SMG1: variants seen among roughly 807,000 people sequenced by gnomAD.
SMG1 encodes the protein serine/threonine-protein kinase SMG1.
A neutral mutation model predicts 419.9 loss-of-function variants in SMG1; 22 were observed. The ratio of observed to expected loss-of-function variants is 0.05; its 90% confidence interval spans 0.04 to 0.07. The LOEUF is 0.07. SMG1 is among the 10% of genes least tolerant of loss of function. The pLI is 1.00. For missense variants in SMG1, 3,185 were observed against 4,342.0 expected (o/e 0.73, Z 7.49); for synonymous variants, 1,538 against 1,553.5 (o/e 0.99, Z 0.23).
chr16:18,828,126 A>G lies in SMG1; in HGVS notation c.9646T>C (p.Ser3216Pro). 1 of 1,613,672 alleles carries G rather than the reference A, an allele frequency of 6.2e-7. No homozygotes were observed. The highest frequency in any genetic ancestry group is 1.1e-5 in the South Asian group (1 of 91,044). The change falls in exon 55 of 63, where the codon TCA becomes CCA. Residue 3216 changes from serine (S) to proline (P), a missense_variant. Ser to Pro is a moderately conservative substitution (Grantham distance 74, BLOSUM62 -1). Transcript: ENST00000446231. The part of the protein sequence containing the change: ...DLLINRPQAM[S>P]VTPPPRSAIL... The stretch of plus-strand genomic sequence containing the variant: ...GCAGACCGTGGGGGAGGTGTGACTG[A>G]CATGGCTTGTGGTCTATTGATAAGT...
chr16:18,829,928 G>T lies in SMG1; in HGVS notation c.9131C>A (p.Ser3044Ter). ...TATGTTTACAGGTAGAATATTACCT[G>T]ACAATGTTTTAGAAAAGGTACCACA... The part of the protein sequence containing the change: ...RLCGTFSKTL[S>*]GSSSLEDQNT... Residue 3044 changes from serine (S) to a stop codon, truncating the protein, a stop_gained and splice_region_variant, in exon 53 of 63, where the codon TCA (serine) becomes TAA (stop). Transcript: ENST00000446231. LOFTEE classifies it high-confidence loss of function. 6.5e-7 allele frequency: 1 copy of T among 1,544,814 alleles called. No homozygotes were observed. Among genetic ancestry groups the T allele is most frequent in the South Asian group, 1.3e-5 (1 of 79,484 alleles).
intron 49 of SMG1, 106 bp from the exon 50 acceptor site, chr16:18,834,544 AG>A: frequency 1.9e-6 from 2 of 1,068,250 alleles, no homozygotes; most frequent in Non-Finnish European, 2.7e-6. Context: ...TGGGAGGCCG[AG>A]GCAGGTAGAT....
At chr16:18,813,402 G>A (rs2031667455) in intron 60 of SMG1, among the ~76,000 whole-genome samples, 1 of 152,140 alleles carries the variant, frequency 6.6e-6, no homozygotes, top group Non-Finnish European at 1.5e-5. Context: ...GTTTTGATTT[G>A]CATTTCTCTG....
At chr16:18,896,275 C>G in intron 2 of SMG1, 68 bp from the exon 3 acceptor site, 1 of 1,306,602 alleles carries the variant, frequency 7.7e-7, no homozygotes, top group Non-Finnish European at 1.1e-6. Flanking sequence ...TTCCTGATAG[C>G]TCAGGATCTT....
intron 1 of SMG1, among the ~76,000 whole-genome samples, chr16:18,909,613 T>G (rs2141953191): frequency 6.6e-6 from 1 of 152,244 alleles, no homozygotes; most frequent in Admixed American, 6.5e-5. Flanking sequence ...AAACGTCAAT[T>G]TAATTAGAGG....
rs772210230 is a variant in SMG1, at chr16:18,872,501, A to C, written c.2014T>G (p.Cys672Gly). ...AATTTGTAAATACAGTACCTGGTACAATGAGAATACAATGTGTAGAGCACA... is the reference window on the plus strand; with the variant it reads ...AATTTGTAAATACAGTACCTGGTACCATGAGAATACAATGTGTAGAGCACA... ...YAVLYTLYSH[C>G]TRHDHFISSS... The change falls in exon 14 of 63, where the codon TGT (cysteine) becomes GGT (glycine). Residue 672 changes from cysteine (C) to glycine (G), a missense_variant. Cys to Gly is a radical substitution (Grantham distance 159). Coordinates refer to ENST00000446231, the MANE Select transcript of SMG1 (RefSeq NM_015092.5). 3.2e-4 allele frequency: 489 copies of C among 1,542,018 alleles called. 2 individuals carry two copies. The highest frequency in any genetic ancestry group is 4.2e-4 in the Non-Finnish European group (482 of 1,157,236).
chr16:18,907,158 T>C (rs2037594977), intron 1 of SMG1, among the ~76,000 whole-genome samples: 1 of 151,942 alleles, frequency 6.6e-6, no homozygotes, highest in Non-Finnish European at 1.5e-5. Context: ...GGCAGGCGCC[T>C]GTAATCCCAG....
chr16:18,900,056 T>C (rs2037285829), intron 1 of SMG1: 5 of 1,447,474 alleles, frequency 3.5e-6, no homozygotes, highest in East Asian at 4.9e-5. Flanking sequence ...TGTAAGACAG[T>C]AGTTACAATA....
At chr16:18,919,482 G>A (rs1240391929) in intron 1 of SMG1, among the ~76,000 whole-genome samples, 2 of 151,896 alleles carry the variant, frequency 1.3e-5, no homozygotes, top group Non-Finnish European at 2.9e-5. Flanking sequence ...AAATTAGCCA[G>A]GCATCATAGC....
At position 18,805,275 on chromosome 16, in the gene SMG1, A is replaced by G. The variant is rs780694505; in HGVS notation, c.*4294T>C. On this transcript the variant is annotated 3_prime_UTR_variant, in exon 63 of 63. Coordinates refer to ENST00000446231, the MANE Select transcript of SMG1 (RefSeq NM_015092.5). The stretch of plus-strand genomic sequence containing the variant: ...GGAGCTGAAACTTTGTCAAAAAAAG[A>G]AAAAACTATTAGCCTGTTTTCAAAG... 25 of 152,266 alleles carry G rather than the reference A, an allele frequency of 1.6e-4. No homozygotes were observed. The highest frequency in any genetic ancestry group is 2.9e-4 in the Non-Finnish European group (20 of 68,048). 9.4% of individuals were successfully genotyped at this position (152,266 alleles called of 1,614,324 possible).
chr16:18,910,670 C>A (rs963924241), intron 1 of SMG1, among the ~76,000 whole-genome samples: 1 of 152,090 alleles, frequency 6.6e-6, no homozygotes, highest in Non-Finnish European at 1.5e-5. Context: ...CTTGTAATTG[C>A]TTAATACTGT....
intron 41 of SMG1, among the ~76,000 whole-genome samples, 163 bp downstream of exon 41, chr16:18,841,397 CAAAAA>C (rs149043036): frequency 1.0e-4 from 11 of 105,362 alleles, no homozygotes; most frequent in Middle Eastern, 4.6e-3. Flanking sequence ...GACTGTGTCT[CAAAAA>C]AAAAAAAAAA....
At position 18,806,678 on chromosome 16, in the gene SMG1, G is replaced by A. The variant is rs1353618825; in HGVS notation, c.*2891C>T. The stretch of plus-strand genomic sequence containing the variant: ...TCAATTTCCAAGGGTACTTTGAAGA[G>A]GTTGTTTGTAGGTTATTCTGTACCC... On this transcript the variant is annotated 3_prime_UTR_variant, in exon 63 of 63. Transcript: ENST00000446231. 6.6e-6 allele frequency: 1 copy of A among 152,186 alleles called. No individual in the cohort carries two copies. Among genetic ancestry groups the A allele is most frequent in the African/African-American group, 2.4e-5 (1 of 41,444 alleles). 9.4% of individuals were successfully genotyped at this position (152,186 alleles called of 1,614,324 possible).
chr16:18,821,221 CTTTTTTTTT>C (rs869238782), intron 55 of SMG1, among the ~76,000 whole-genome samples: 836 of 35,586 alleles, frequency 0.023, 100 homozygotes, highest in Admixed American at 0.039. Context: ...TAGTATGTTT[CTTTTTTTTT>C]TTTTTTTTTT....
intron 39 of SMG1, among the ~76,000 whole-genome samples, chr16:18,843,848 T>C (rs2034067704): frequency 6.6e-6 from 1 of 152,224 alleles, no homozygotes; most frequent in Non-Finnish European, 1.5e-5. Flanking sequence ...GGTGGGGAGA[T>C]AAAATTAGGG....
At chr16:18,852,287 A>G (rs751863483) in intron 32 of SMG1, 31 bp downstream of exon 32, 58 of 1,601,912 alleles carry the variant, frequency 3.6e-5, no homozygotes, top group Non-Finnish European at 4.7e-5. Flanking sequence ...TATTTATGCA[A>G]TGCATAAATA....
intron 1 of SMG1, among the ~76,000 whole-genome samples, chr16:18,917,146 A>AATTT (rs796991578): frequency 2.6e-5 from 4 of 151,540 alleles, no homozygotes; most frequent in East Asian, 3.9e-4. Flanking sequence ...TTAATTAATT[A>AATTT]ATTTATTTAT....
At chr16:18,916,715 T>C (rs541177781) in intron 1 of SMG1, among the ~76,000 whole-genome samples, 1 of 151,944 alleles carries the variant, frequency 6.6e-6, no homozygotes, top group Non-Finnish European at 1.5e-5. Flanking sequence ...CAAGGGGAAG[T>C]ATGTTTCATT....
chr16:18,907,971 A>G (rs1316663751), intron 1 of SMG1, among the ~76,000 whole-genome samples: 2 of 151,874 alleles, frequency 1.3e-5, no homozygotes, highest in Admixed American at 1.3e-4. Context: ...GGAAATTGCC[A>G]AGATTGAAAG....
Sources: gnomAD v4.1 joint callset for allele counts (sites outside exome capture counted in the v4.1 genomes callset) on GRCh38, gnomAD v4.1.1 for gene constraint, MANE v1.5 for transcripts, NCBI Gene and HGNC (gene_info 2026-07-23, HGNC 2026-07-21) for gene names.